The following DCLK2 variants were observed in gnomAD, a reference collection of about 807,000 sequenced individuals.
The protein encoded by DCLK2 is doublecortin like kinase 2, also known as serine/threonine-protein kinase DCLK2.
Under a neutral mutation model 78.4 loss-of-function variants are expected in DCLK2, and 31 were observed. That is an observed-to-expected ratio of 0.40 (90% CI 0.30 to 0.53). The LOEUF (loss-of-function observed/expected upper bound fraction) is 0.53. Among genes scored for constraint, DCLK2 ranks in the 20% least tolerant of loss-of-function variants. The probability of loss-of-function intolerance (pLI) is 0.61; values close to 1 mark genes in which losing one functional copy is unlikely to be tolerated. For synonymous variants in DCLK2, 407 were observed against 374.9 expected, an observed-to-expected ratio of 1.09 and a Z score of -0.99; for missense variants, 872 against 973.7, an observed-to-expected ratio of 0.90 and a Z score of 1.39.
intron 5 of DCLK2, among the ~76,000 whole-genome samples, chr4:150,210,957 A>G (rs968056312): frequency 1.3e-5 from 2 of 151,564 alleles, no homozygotes; most frequent in African/African-American, 4.8e-5. Flanking sequence ...TCAAAAAAAA[A>G]AAAAAAGAAA....
intron 3 of DCLK2, among the ~76,000 whole-genome samples, chr4:150,197,480 G>C (rs557604542): frequency 6.6e-6 from 1 of 152,112 alleles, no homozygotes; most frequent in African/African-American, 2.4e-5. Context: ...TTGGCTGGGC[G>C]TGGTGGCTCA....
At chr4:150,138,879 T>TG (rs1002357741) in intron 2 of DCLK2, among the ~76,000 whole-genome samples, 1 of 152,044 alleles carries the variant, frequency 6.6e-6, no homozygotes, top group Non-Finnish European at 1.5e-5. Flanking sequence ...TTAGCCAGGA[T>TG]GGTCTCAATC....
Position 150,175,054 on chromosome 4 carries a change from A to ATATATATT in DCLK2, c.757-18077_757-18076insTTATATAT, listed in dbSNP as rs1736900031. Among the ~76,000 whole-genome samples the ATATATATT allele has an allele frequency of 1.4e-4, 4 of 27,814 alleles. 2 individuals are homozygous for ATATATATT. Among genetic ancestry groups the ATATATATT allele is most frequent in the African/African-American group, 4.4e-4 (4 of 9,038 alleles). The allele number at this position is 27,814 out of a possible 152,430, so 18.2% of individuals were successfully genotyped here. On this transcript the variant is annotated intron_variant, in intron 2 of 15. Transcript: ENST00000296550. ...TATATTTATATATATTTATATATTT[A>ATATATATT]TATATATATTTATATATATTTATAT...
chr4:150,252,320 A>T (rs1744233956), intron 15 of DCLK2, among the ~76,000 whole-genome samples: 1 of 152,208 alleles, frequency 6.6e-6, no homozygotes, highest in Non-Finnish European at 1.5e-5. Flanking sequence ...GTCATGAAAA[A>T]ACCTTAAGAA....
chr4:150,136,976 C>CTTTT (rs1359782508), intron 2 of DCLK2, among the ~76,000 whole-genome samples: 7 of 110,700 alleles, frequency 6.3e-5, no homozygotes, highest in African/African-American at 2.3e-4. Context: ...TCTTCTTCTT[C>CTTTT]TTCTTTTTTT....
chr4:150,252,890 A>G (rs927347837), intron 15 of DCLK2, among the ~76,000 whole-genome samples: 1 of 152,138 alleles, frequency 6.6e-6, no homozygotes, highest in Non-Finnish European at 1.5e-5. Context: ...TTCAGTACCT[A>G]CAGGGAAATT....
chr4:150,101,513 T>C (rs1309868701), intron 1 of DCLK2, among the ~76,000 whole-genome samples: 4 of 152,308 alleles, frequency 2.6e-5, no homozygotes, highest in African/African-American at 4.8e-5. Flanking sequence ...ATACTGAATA[T>C]GTGAAAAAAT....
intron 12 of DCLK2, among the ~76,000 whole-genome samples, chr4:150,245,957 C>T (rs577940783): frequency 5.3e-5 from 8 of 152,170 alleles, no homozygotes; most frequent in Admixed American, 2.0e-4. Flanking sequence ...CACATGCACA[C>T]GTATGTTTAT....
chr4:150,240,590 A>T (rs1309090366), intron 12 of DCLK2, 114 bp downstream of exon 12: 1 of 394,352 alleles, frequency 2.5e-6, no homozygotes, highest in Non-Finnish European at 4.2e-6. Flanking sequence ...ATGCCAGTTA[A>T]AAATTACATA....
At chr4:150,212,319 T>A (rs1740379234) in intron 5 of DCLK2, among the ~76,000 whole-genome samples, 1 of 152,248 alleles carries the variant, frequency 6.6e-6, no homozygotes, top group South Asian at 2.1e-4. Flanking sequence ...TAGTATCTCA[T>A]CCTGACTGGC....
At chr4:150,225,926 T>G (rs1241679993) in intron 8 of DCLK2, among the ~76,000 whole-genome samples, 1 of 152,164 alleles carries the variant, frequency 6.6e-6, no homozygotes, top group Non-Finnish European at 1.5e-5. Context: ...ATAAGATTAT[T>G]GTGAAAATTG....
chr4:150,126,054 G>A (rs1333675220), intron 2 of DCLK2, among the ~76,000 whole-genome samples: 1 of 152,124 alleles, frequency 6.6e-6, no homozygotes, highest in African/African-American at 2.4e-5. Flanking sequence ...ATTAAAGTCA[G>A]TATTTTAGGC....
chr4:150,251,235 A>AC lies in DCLK2; in HGVS notation c.2073+1556dup, dbSNP rs1203161641. Among the ~76,000 whole-genome samples the AC allele has an allele frequency of 7.4e-4, 2 of 2,716 alleles. 1 individual carries two copies. The highest frequency in any genetic ancestry group is 1.7e-3 in the African/African-American group (2 of 1,192). The allele number at this position is 2,716 out of a possible 152,430, so 1.8% of individuals were successfully genotyped here. A position where few individuals can be genotyped will look rare whatever the true frequency, so the allele number is the denominator to read the frequency against. ...CCCCCACACCCCACACATCCCCCAC[A>AC]CCCCCACACATCCCCCACACCCCAC... On this transcript the variant is annotated intron_variant, in intron 15 of 15. Transcript: ENST00000296550.
At chr4:150,163,475 A>G (rs1474416636) in intron 2 of DCLK2, among the ~76,000 whole-genome samples, 2 of 152,082 alleles carry the variant, frequency 1.3e-5, no homozygotes, top group Non-Finnish European at 2.9e-5. Context: ...TTCTTCAATA[A>G]CTACTACATT....
intron 5 of DCLK2, among the ~76,000 whole-genome samples, chr4:150,216,455 T>C (rs1049492344): frequency 6.6e-6 from 1 of 152,132 alleles, no homozygotes; most frequent in Non-Finnish European, 1.5e-5. Flanking sequence ...CTGGCCAAAA[T>C]GGTGAAACCC....
intron 10 of DCLK2, among the ~76,000 whole-genome samples, chr4:150,233,665 C>G (rs1466657203): frequency 6.6e-6 from 1 of 152,104 alleles, no homozygotes; most frequent in Non-Finnish European, 1.5e-5. Flanking sequence ...CTCTTTTATC[C>G]TATTATTCTA....
At chr4:150,166,078 A>G (rs991780064) in intron 2 of DCLK2, among the ~76,000 whole-genome samples, 4 of 152,070 alleles carry the variant, frequency 2.6e-5, no homozygotes, top group Non-Finnish European at 4.4e-5. Context: ...TAAACTACCC[A>G]GACTGTGGTG....
In DCLK2 at chr4:150,256,113, C is replaced by G. The variant is rs1316071326; in HGVS notation, c.2167C>G (p.Pro723Ala). 1 of 1,613,000 alleles carries G rather than the reference C, an allele frequency of 6.2e-7. No homozygotes were observed. Among genetic ancestry groups the G allele is most frequent in the South Asian group, 1.1e-5 (1 of 90,972 alleles). ...PGMEPISPVP[P>A]SVEEIPVPGE... ...GATGGAGCCCATCTCTCCAGTTCCT[C>G]CCTCAGTGGAGGAGATCCCTGTGCC... The change falls in exon 16 of 16, where the codon CCC (proline) becomes GCC (alanine). Residue 723 changes from proline (P) to alanine (A), a missense_variant. By Grantham distance (27) the Pro-to-Ala change is conservative. Around this residue, in one of 3 missense-constraint regions of DCLK2, gnomAD observed 219 missense variants for 230.1 expected, o/e 0.95. Transcript: ENST00000296550.
chr4:150,124,605 G>C lies in DCLK2; in HGVS notation c.756+21793G>C, dbSNP rs985621133. Among the ~76,000 whole-genome samples the C allele has an allele frequency of 2.0e-5, 3 of 152,090 alleles. No homozygotes were observed. In the East Asian group the frequency reaches 5.8e-4, roughly 29 times the overall value. On this transcript the variant is annotated intron_variant, in intron 2 of 15. Coordinates refer to ENST00000296550, the MANE Select transcript of DCLK2 (RefSeq NM_001040260.4). ...GTATATTTTTGTGGTAAAATATTAT[G>C]GCTGTCACATGCCATTTTGAAAATG...
Sources: allele counts gnomAD v4.1 joint callset (sites outside exome capture counted in the v4.1 genomes callset), GRCh38; gene constraint gnomAD v4.1.1; regional missense constraint gnomAD v4.1.1; transcripts MANE v1.5; gene names NCBI Gene and HGNC (gene_info 2026-07-23, HGNC 2026-07-21).